Variants in HDDC2 observed in about 807,000 individuals in gnomAD.
HDDC2 encodes 5'-deoxynucleotidase HDDC2.
A neutral mutation model predicts 25.5 loss-of-function variants in HDDC2; 25 were observed. The observed-to-expected ratio is 0.98, with a 90% CI of 0.72 to 1.37. The LOEUF (loss-of-function observed/expected upper bound fraction) is 1.37, where lower values mean the gene tolerates loss of function less well. HDDC2 is among the 40% of genes most tolerant of loss of function. The pLI, the probability that HDDC2 is intolerant of heterozygous loss-of-function variation, is 0.00. For missense variants in HDDC2, 264 were observed against 253.1 expected (o/e 1.04, Z -0.29); for synonymous variants, 106 against 89.7 (o/e 1.18, Z -1.03).
intron 4 of HDDC2, 67 bp from the exon 5 acceptor site, chr6:125,277,307 G>A: frequency 1.3e-6 from 2 of 1,499,674 alleles, no homozygotes; most frequent in Admixed American, 1.8e-5. Flanking sequence ...GGAAAATTCT[G>A]ACTCTGGTAC....
At chr6:125,277,394 A>G in intron 4 of HDDC2, 154 bp from the exon 5 acceptor site, 1 of 659,390 alleles carries the variant, frequency 1.5e-6, no homozygotes, top group South Asian at 2.0e-5. Flanking sequence ...CATCAGAGAC[A>G]CTTCTGTAAT....
chr6:125,301,852 G>A lies in HDDC2; in HGVS notation c.81C>T (p.Leu27=), dbSNP rs751945431. ...LLQFLRLVGQ[L]KRVPRTGWVY... ...TCCCGGCCTGGTGCCCGCTCACCTT[G>A]AGCTGCCCTACCAGCCGCAGGAACT... Residue 27 remains leucine, a synonymous_variant, in exon 1 of 6, where the codon CTC becomes CTT. Coordinates refer to ENST00000398153, the MANE Select transcript of HDDC2 (RefSeq NM_016063.3). 2 of 1,543,290 alleles carry A rather than the reference G, an allele frequency of 1.3e-6. No homozygotes were observed. The highest frequency in any genetic ancestry group is 1.2e-5 in the South Asian group (1 of 83,934).
At chr6:125,282,932 G>A (rs111812741) in intron 4 of HDDC2, among the ~76,000 whole-genome samples, 2,922 of 152,242 alleles carry the variant, frequency 0.019, 88 homozygotes, top group African/African-American at 0.067. Flanking sequence ...ATTACATAAT[G>A]GTAAAGGGAT....
chr6:125,293,109 C>G (rs896995285), intron 3 of HDDC2, 200 bp from the exon 4 acceptor site: 2 of 658,558 alleles, frequency 3.0e-6, no homozygotes, highest in Non-Finnish European at 5.5e-6. Flanking sequence ...TGTAATCATT[C>G]ATATGGGCTT....
At chr6:125,289,496 T>TA (rs1320427805) in intron 4 of HDDC2, among the ~76,000 whole-genome samples, 16 of 129,192 alleles carry the variant, frequency 1.2e-4, no homozygotes, top group East Asian at 2.2e-4. Flanking sequence ...AAAAAAAAAT[T>TA]AAAAAAAACA....
intron 1 of HDDC2, among the ~76,000 whole-genome samples, chr6:125,301,021 A>G (rs750481060): frequency 5.9e-5 from 9 of 152,154 alleles, no homozygotes; most frequent in Non-Finnish European, 1.2e-4. Flanking sequence ...CACAAGCAGA[A>G]AACACTGTAT....
intron 1 of HDDC2, 28 bp from the exon 2 acceptor site, chr6:125,300,687 T>C (rs777797809): frequency 2.5e-6 from 4 of 1,606,562 alleles, no homozygotes; most frequent in Non-Finnish European, 3.4e-6. Flanking sequence ...GAAAAAGAAG[T>C]TTTAAAGAAC....
At chr6:125,300,707 C>A in intron 1 of HDDC2, 48 bp from the exon 2 acceptor site, 1 of 1,569,714 alleles carries the variant, frequency 6.4e-7, no homozygotes, top group Admixed American at 1.7e-5. Flanking sequence ...CAAATATTAA[C>A]TATCTGCTAT....
intron 4 of HDDC2, among the ~76,000 whole-genome samples, chr6:125,282,775 C>T (rs548454017): frequency 2.2e-4 from 33 of 152,232 alleles, no homozygotes; most frequent in Middle Eastern, 3.4e-3. Flanking sequence ...ACCCATCTTA[C>T]GTGCGAAGAC....
intron 4 of HDDC2, among the ~76,000 whole-genome samples, chr6:125,282,034 G>T (rs76807740): frequency 0.019 from 2,923 of 152,188 alleles, 88 homozygotes; most frequent in African/African-American, 0.067. Context: ...GAAGAGAGTG[G>T]GGGCCAATAC....
At chr6:125,278,248 T>C (rs1316570715) in intron 4 of HDDC2, 1 of 152,230 alleles carries the variant, frequency 6.6e-6, no homozygotes. Context: ...TGGAACCAAA[T>C]ACACTTTGCT....
At chr6:125,279,712 C>A (rs1271743198) in intron 4 of HDDC2, among the ~76,000 whole-genome samples, 2 of 151,940 alleles carry the variant, frequency 1.3e-5, no homozygotes, top group African/African-American at 4.8e-5. Flanking sequence ...ATTTCCTTTC[C>A]AAGTTCAGTA....
intron 4 of HDDC2, among the ~76,000 whole-genome samples, chr6:125,285,540 TAGTGAAGAC>T (rs1300863269): frequency 6.6e-6 from 1 of 151,446 alleles, no homozygotes; most frequent in Non-Finnish European, 1.5e-5. Flanking sequence ...AGGTGACAAA[TAGTGAAGAC>T]AGGCAAAGAA....
chr6:125,283,195 C>A (rs1353294100), intron 4 of HDDC2, among the ~76,000 whole-genome samples: 1 of 152,116 alleles, frequency 6.6e-6, no homozygotes, highest in East Asian at 1.9e-4. Context: ...TATGACAAAC[C>A]CACAGCCAAT....
At chr6:125,285,715 A>T (rs971528208) in intron 4 of HDDC2, among the ~76,000 whole-genome samples, 3 of 152,216 alleles carry the variant, frequency 2.0e-5, no homozygotes, top group Non-Finnish European at 4.4e-5. Flanking sequence ...AACCCAGAAT[A>T]AGCAACATGA....
At chr6:125,276,345 C>A in intron 5 of HDDC2, 102 bp from the exon 6 acceptor site, 1 of 817,352 alleles carries the variant, frequency 1.2e-6, no homozygotes, top group African/African-American at 1.7e-5. Context: ...CTCTAGTCTA[C>A]GATCTGACCC....
intron 1 of HDDC2, among the ~76,000 whole-genome samples, chr6:125,301,034 A>C (rs999179940): frequency 1.1e-4 from 16 of 152,182 alleles, no homozygotes; most frequent in Admixed American, 7.9e-4. Context: ...CACTGTATTG[A>C]AGGGTCTGAA....
Position 125,300,556 on chromosome 6 carries a change from T to C in HDDC2, c.188A>G (p.Asp63Gly). 1 of 1,613,974 alleles carries C rather than the reference T, an allele frequency of 6.2e-7. No homozygotes were observed. The highest frequency in any genetic ancestry group is 8.5e-7 in the Non-Finnish European group (1 of 1,179,936). Residue 63 changes from aspartate (D) to glycine (G), a missense_variant, in exon 2 of 6, where the codon GAC (aspartate) becomes GGC (glycine). By Grantham distance (94) the Asp-to-Gly change is moderately conservative. Coordinates refer to ENST00000398153, the MANE Select transcript of HDDC2 (RefSeq NM_016063.3). ...MAVMAMVIKDDRLNKDRCVRL... is the reference protein window; with the variant it reads ...MAVMAMVIKDGRLNKDRCVRL... ...AGCTTACCGGTCTTTGTTAAGACGG[T>C]CATCTTTGATCACCATAGCCATAAC...
chr6:125,293,874 C>T (rs1376701998), intron 3 of HDDC2, among the ~76,000 whole-genome samples: 1 of 152,160 alleles, frequency 6.6e-6, no homozygotes, highest in Non-Finnish European at 1.5e-5. Context: ...GCCATATTCC[C>T]CACCACAAGG....
Sources: allele counts gnomAD v4.1 joint callset (sites outside exome capture counted in the v4.1 genomes callset), GRCh38; gene constraint gnomAD v4.1.1; transcripts MANE v1.5; gene names NCBI Gene and HGNC (gene_info 2026-07-23, HGNC 2026-07-21).